The following PTPRD variants were observed in gnomAD, a reference collection of about 807,000 sequenced individuals.
PTPRD encodes the protein protein tyrosine phosphatase receptor type D.
A neutral mutation model predicts 214.5 loss-of-function variants in PTPRD; 34 were observed. The observed-to-expected ratio is 0.16, with a 90% CI of 0.12 to 0.21. The LOEUF (loss-of-function observed/expected upper bound fraction) is 0.21. PTPRD is among the 10% of genes least tolerant of loss of function. The pLI, the probability that PTPRD is intolerant of heterozygous loss-of-function variation, is 1.00. For synonymous variants in PTPRD, 1,128 were observed against 845.7 expected (o/e 1.33, Z -5.79); for missense variants, 2,545 against 2,398.7 (o/e 1.06, Z -1.27).
chr9:9,120,222 A>G (rs2099816305), intron 10 of PTPRD, among the ~76,000 whole-genome samples: 2 of 152,198 alleles, frequency 1.3e-5, no homozygotes, highest in Admixed American at 1.3e-4. Flanking sequence ...AAATCTGTTC[A>G]CCAAATTTAT....
chr9:10,007,386 C>T (rs377442910), intron 4 of PTPRD, among the ~76,000 whole-genome samples: 15 of 151,998 alleles, frequency 9.9e-5, no homozygotes, highest in South Asian at 4.1e-4. Flanking sequence ...GGCTTTAATT[C>T]GACCAAAAGC....
At chr9:9,407,003 C>T (rs2073705346) in intron 8 of PTPRD, among the ~76,000 whole-genome samples, 1 of 151,492 alleles carries the variant, frequency 6.6e-6, no homozygotes, top group African/African-American at 2.4e-5. Flanking sequence ...AAATTACTTA[C>T]CCTCTCTGAA....
At chr9:9,710,151 A>G (rs1472396492) in intron 7 of PTPRD, among the ~76,000 whole-genome samples, 1 of 152,138 alleles carries the variant, frequency 6.6e-6, no homozygotes, top group Non-Finnish European at 1.5e-5. Flanking sequence ...TAGCAAATAC[A>G]TTTTAGTACT....
chr9:8,485,075 C>T (rs1030286459), intron 29 of PTPRD, 152 bp downstream of exon 29: 6 of 638,788 alleles, frequency 9.4e-6, no homozygotes, highest in Non-Finnish European at 1.1e-5. Context: ...TTACAAAGCA[C>T]CAAACTGTCT....
chr9:9,819,691 A>T lies in PTPRD; in HGVS notation c.-367-52840T>A, dbSNP rs561788106. 8.9e-4 allele frequency among the ~76,000 whole-genome samples: 135 copies of T among 151,912 alleles called. No homozygotes were observed. In the South Asian group the frequency reaches 0.013, roughly 14 times the overall value. ...CTTTCCCTCTTCTAGTAGTCCCCAG[A>T]TTCTATTGTTGCCATTTTCATGTCC... On this transcript the variant is annotated intron_variant, in intron 5 of 45. Transcript: ENST00000381196.
At chr9:10,181,923 G>C (rs936640078) in intron 3 of PTPRD, among the ~76,000 whole-genome samples, 1 of 114,522 alleles carries the variant, frequency 8.7e-6, no homozygotes, top group African/African-American at 3.4e-5. Flanking sequence ...TCTTAAATAT[G>C]ACTATGTATC....
chr9:9,236,324 T>C (rs2099966692), intron 9 of PTPRD, among the ~76,000 whole-genome samples: 1 of 152,108 alleles, frequency 6.6e-6, no homozygotes, highest in Admixed American at 6.6e-5. Context: ...AACAACTATA[T>C]TTCTGATACC....
At chr9:8,349,124 C>T (rs551642395) in intron 39 of PTPRD, among the ~76,000 whole-genome samples, 39 of 152,052 alleles carry the variant, frequency 2.6e-4, no homozygotes, top group Non-Finnish European at 4.9e-4. Context: ...AACATTTCCC[C>T]GAAGCCCCCA....
intron 5 of PTPRD, among the ~76,000 whole-genome samples, chr9:9,885,407 G>A (rs532671692): frequency 1.3e-5 from 2 of 152,094 alleles, no homozygotes; most frequent in African/African-American, 4.8e-5. Context: ...GAATTTCAAG[G>A]ACTTGCATCT....
At chr9:9,524,444 T>G (rs565589706) in intron 8 of PTPRD, among the ~76,000 whole-genome samples, 4 of 152,348 alleles carry the variant, frequency 2.6e-5, no homozygotes, top group African/African-American at 9.6e-5. Context: ...TGCTTAATAC[T>G]AATAATGCAA....
chr9:8,454,810 TAGTGTGTG>T, intron 33 of PTPRD, among the ~76,000 whole-genome samples: 1 of 98,566 alleles, frequency 1.0e-5, no homozygotes, highest in Admixed American at 1.2e-4. Context: ...ACTGAATACA[TAGTGTGTG>T]TGTGTGTGTG....
At chr9:9,325,443 C>T (rs1168468058) in intron 9 of PTPRD, among the ~76,000 whole-genome samples, 1 of 151,918 alleles carries the variant, frequency 6.6e-6, no homozygotes, top group Non-Finnish European at 1.5e-5. Context: ...AATTTTATTC[C>T]CTTTGTAGCC....
At chr9:8,976,562 T>C (rs1261334582) in intron 11 of PTPRD, among the ~76,000 whole-genome samples, 1 of 152,152 alleles carries the variant, frequency 6.6e-6, no homozygotes, top group Non-Finnish European at 1.5e-5. Context: ...CTACATCAAG[T>C]ATTTCCTAGA....
chr9:10,551,604 A>G (rs1402036444), intron 2 of PTPRD, among the ~76,000 whole-genome samples: 1 of 152,148 alleles, frequency 6.6e-6, no homozygotes, highest in East Asian at 1.9e-4. Flanking sequence ...TATATCTATA[A>G]ACCAGACATG....
intron 4 of PTPRD, among the ~76,000 whole-genome samples, chr9:9,946,076 A>C (rs10978123): frequency 3.7e-4 from 15 of 40,426 alleles, no homozygotes; most frequent in South Asian, 8.4e-4. Flanking sequence ...GTCATCCTTC[A>C]CTTTCCCAAG....
chr9:10,605,971 T>A (rs2079214764), intron 2 of PTPRD, among the ~76,000 whole-genome samples: 1 of 151,840 alleles, frequency 6.6e-6, no homozygotes, highest in Non-Finnish European at 1.5e-5. Context: ...GGGTGCAACC[T>A]CTGCAAGTAG....
intron 3 of PTPRD, among the ~76,000 whole-genome samples, chr9:10,265,465 T>A (rs760757167): frequency 2.6e-5 from 4 of 152,212 alleles, no homozygotes; most frequent in African/African-American, 7.2e-5. Context: ...CTGAGTTGAA[T>A]CCTAACTGCT....
chr9:10,087,011 A>G (rs2098351484), intron 3 of PTPRD, among the ~76,000 whole-genome samples: 1 of 151,776 alleles, frequency 6.6e-6, no homozygotes, highest in South Asian at 2.1e-4. Context: ...CAGCAATATC[A>G]TTTGCTGACG....
chr9:9,297,180 G>A (rs746892547), intron 9 of PTPRD, among the ~76,000 whole-genome samples: 8 of 151,626 alleles, frequency 5.3e-5, no homozygotes, highest in Admixed American at 6.6e-5. Context: ...GAGCCTCTTG[G>A]TCTTGTATCA....
Sources: gnomAD v4.1 joint callset for allele counts (sites outside exome capture counted in the v4.1 genomes callset) on GRCh38, gnomAD v4.1.1 for gene constraint, MANE v1.5 for transcripts, NCBI Gene and HGNC (gene_info 2026-07-23, HGNC 2026-07-21) for gene names.